SGCD: variants seen among roughly 807,000 people sequenced by gnomAD.
SGCD encodes sarcoglycan delta, also known as delta-sarcoglycan.
Under a neutral mutation model 36.6 loss-of-function variants are expected in SGCD, and 18 were observed. That is an observed-to-expected ratio of 0.49 (90% confidence interval 0.34 to 0.73). SGCD has a LOEUF of 0.73. Among genes scored for constraint, SGCD ranks in the 30% least tolerant of loss-of-function variants. The pLI is 0.01. For synonymous variants in SGCD, 133 were observed against 130.6 expected, an observed-to-expected ratio of 1.02 and a Z score of -0.12; for missense variants, 387 against 346.7, an observed-to-expected ratio of 1.12 and a Z score of -0.92.
intron 3 of SGCD, among the ~76,000 whole-genome samples, chr5:156,235,615 C>G (rs184217366): frequency 3.9e-5 from 6 of 152,248 alleles, no homozygotes; most frequent in Admixed American, 2.6e-4. Context: ...GGCAGAAGCT[C>G]TTTTTTTCTT....
intron 1 of SGCD, among the ~76,000 whole-genome samples, chr5:156,088,471 A>C (rs1761156999): frequency 6.6e-6 from 1 of 150,852 alleles, no homozygotes; most frequent in African/African-American, 2.4e-5. Flanking sequence ...GGTGATACCC[A>C]GCAGGGCAGA....
intron 7 of SGCD, among the ~76,000 whole-genome samples, chr5:156,735,689 TG>T (rs1756320646): frequency 6.6e-6 from 1 of 152,080 alleles, no homozygotes; most frequent in African/African-American, 2.4e-5. Flanking sequence ...TCCAACCCAG[TG>T]GGTCTTATCC....
chr5:156,507,210 C>T (rs927504612), intron 3 of SGCD, among the ~76,000 whole-genome samples: 1 of 152,108 alleles, frequency 6.6e-6, no homozygotes, highest in Non-Finnish European at 1.5e-5. Context: ...CTGGGTTATC[C>T]AGATGTGCCC....
intron 3 of SGCD, among the ~76,000 whole-genome samples, chr5:156,274,022 C>T (rs1252804211): frequency 9.9e-5 from 15 of 152,076 alleles, no homozygotes. Context: ...ACTGAAGCTC[C>T]ATTTGCATCC....
chr5:155,944,470 A>G (rs966413987), intron 1 of SGCD, among the ~76,000 whole-genome samples: 19 of 152,150 alleles, frequency 1.2e-4, no homozygotes, highest in South Asian at 2.1e-4. Context: ...AGCTTAATCT[A>G]TGATAGACAT....
intron 3 of SGCD, among the ~76,000 whole-genome samples, chr5:156,304,884 A>C (rs1767162093): frequency 6.6e-6 from 1 of 152,204 alleles, no homozygotes; most frequent in South Asian, 2.1e-4. Context: ...CAAAGAGACT[A>C]GTTGCATTTT....
the SGCD span, among the ~76,000 whole-genome samples, chr5:155,732,313 G>A: frequency 3.9e-5 from 6 of 152,314 alleles, no homozygotes; most frequent in Middle Eastern, 3.4e-3. Flanking sequence ...GTTGTCAGCA[G>A]TCTAACTACT....
intron 7 of SGCD, among the ~76,000 whole-genome samples, chr5:156,667,182 T>A (rs1484325696): frequency 6.6e-6 from 1 of 152,146 alleles, no homozygotes; most frequent in East Asian, 1.9e-4. Context: ...ACACTTCTGG[T>A]CCCTTATTTC....
chr5:155,911,293 A>ATGTGTGTG (rs371986965), intron 1 of SGCD, among the ~76,000 whole-genome samples: 1,549 of 141,626 alleles, frequency 0.011, 12 homozygotes, highest in South Asian at 0.02. Flanking sequence ...AGTATAGTAT[A>ATGTGTGTG]TGTGTGTGTG....
intron 7 of SGCD, among the ~76,000 whole-genome samples, chr5:156,671,760 A>G (rs11955617): frequency 1.3e-5 from 2 of 152,160 alleles, no homozygotes; most frequent in African/African-American, 4.8e-5. Flanking sequence ...TAAAGAAAAG[A>G]GGGTCATTTG....
intron 6 of SGCD, among the ~76,000 whole-genome samples, chr5:156,615,823 G>C (rs1185194733): frequency 6.6e-6 from 1 of 152,208 alleles, no homozygotes; most frequent in African/African-American, 2.4e-5. Flanking sequence ...TCCAGCTGCG[G>C]TTGGGTGTAG....
In SGCD at chr5:156,161,297, C is replaced by T. The variant is rs563392893; in HGVS notation, c.-44+37278C>T. Among the ~76,000 whole-genome samples the T allele has an allele frequency of 1.3e-4, 19 of 151,824 alleles. No individual in the cohort carries two copies. The South Asian group carries it at 3.7e-3, about 30-fold the overall frequency. On this transcript the variant is annotated intron_variant, in intron 3 of 9. Transcript: ENST00000517913. ...GAGAACAAGAAAAGCTTTATTTTTGCTTCAAACTCTGTAGTAAACATTCAC... is the reference window on the plus strand; with the variant it reads ...GAGAACAAGAAAAGCTTTATTTTTGTTTCAAACTCTGTAGTAAACATTCAC...
chr5:156,240,394 A>G (rs950853246), intron 3 of SGCD, among the ~76,000 whole-genome samples: 6 of 152,150 alleles, frequency 3.9e-5, no homozygotes, highest in Non-Finnish European at 5.9e-5. Context: ...TGCTAACAAA[A>G]TAGAAAAGAT....
At position 155,928,223 on chromosome 5, in the gene SGCD, T is replaced by C. The variant is rs146643396; in HGVS notation, c.-282+57799T>C. Among the ~76,000 whole-genome samples, 461 of 152,322 alleles carry C rather than the reference T, an allele frequency of 3.0e-3. 1 individual carries two copies. The highest frequency in any genetic ancestry group is 0.011 in the African/African-American group (441 of 41,560). ...TATAGAAATTTTAAGGAAAGGTCCT[T>C]TATAGTCACGGATTTTTAAATGAAT... On this transcript the variant is annotated intron_variant, in intron 1 of 9. Transcript: ENST00000517913.
chr5:156,015,255 A>G (rs1427136895), intron 1 of SGCD, among the ~76,000 whole-genome samples: 1 of 152,082 alleles, frequency 6.6e-6, no homozygotes, highest in Non-Finnish European at 1.5e-5. Context: ...GTATGGATCC[A>G]TGGATTCTTT....
chr5:156,235,562 G>C (rs1765135299), intron 3 of SGCD, among the ~76,000 whole-genome samples: 1 of 152,156 alleles, frequency 6.6e-6, no homozygotes, highest in South Asian at 2.1e-4. Context: ...CAGAGATAGA[G>C]TTGTTCTCTA....
intron 3 of SGCD, among the ~76,000 whole-genome samples, chr5:156,185,466 G>A (rs1043115107): frequency 3.3e-5 from 5 of 152,000 alleles, no homozygotes; most frequent in East Asian, 1.9e-4. Context: ...CGCCCGCCTT[G>A]GCCTCCCAAA....
At chr5:156,100,336 C>A (rs1320014363) in intron 1 of SGCD, among the ~76,000 whole-genome samples, 1 of 151,956 alleles carries the variant, frequency 6.6e-6, no homozygotes, top group East Asian at 1.9e-4. Flanking sequence ...GTGTTTTATA[C>A]TTTATCAGAG....
intron 3 of SGCD, among the ~76,000 whole-genome samples, chr5:156,438,092 C>T (rs149980444): frequency 6.4e-4 from 98 of 152,214 alleles, no homozygotes; most frequent in South Asian, 2.7e-3. Context: ...TAAGTATCTC[C>T]GTTAGGGTTT....
Sources: allele counts gnomAD v4.1 joint callset (sites outside exome capture counted in the v4.1 genomes callset), GRCh38; gene constraint gnomAD v4.1.1; transcripts MANE v1.5; gene names NCBI Gene and HGNC (gene_info 2026-07-23, HGNC 2026-07-21).